Variants in SMAP1 observed in about 807,000 individuals in gnomAD.
SMAP1 encodes stromal membrane-associated protein 1.
SMAP1 carries 24 observed loss-of-function variants against 58.5 expected under a neutral mutation model. The ratio of observed to expected loss-of-function variants is 0.41; its 90% confidence interval spans 0.30 to 0.58. SMAP1 has a LOEUF of 0.58. Among genes scored for constraint, SMAP1 ranks in the 20% least tolerant of loss-of-function variants. The pLI, the probability that SMAP1 is intolerant of heterozygous loss-of-function variation, is 0.29. For synonymous variants in SMAP1, 216 were observed against 196.6 expected (o/e 1.10, Z -0.82); for missense variants, 563 against 566.3 (o/e 0.99, Z 0.06).
rs888420664 is a variant in SMAP1, at chr6:70,732,427, T to C, written c.168T>C (p.Cys56=). Residue 56 remains cysteine, a synonymous_variant, in exon 2 of 11, where the codon TGT becomes TGC. Transcript: ENST00000370455. ...TTGGTGTGTTTATTTGCATCAGATG[T>C]GCTGGAATTCATAGAAATCTTGGGG... ...WNIGVFICIR[C]AGIHRNLGVH... The C allele has an allele frequency of 1.2e-6, 2 of 1,612,892 alleles. No individual in the cohort carries two copies. The highest frequency in any genetic ancestry group is 1.7e-5 in the Admixed American group (1 of 59,976).
intron 3 of SMAP1, among the ~76,000 whole-genome samples, chr6:70,758,548 A>C (rs185056082): frequency 6.6e-6 from 1 of 152,186 alleles, no homozygotes; most frequent in Non-Finnish European, 1.5e-5. Flanking sequence ...TAAAAATAAA[A>C]ACACATGAAG....
Position 70,798,672 on chromosome 6 carries a change from A to G in SMAP1, c.511A>G (p.Lys171Glu), listed in dbSNP as rs929584426. ...KNKLEKEKEK[K>E]KEEKKREKEP... ...TGTGTTTTAGAAAGAAAAGGAAAAA[A>G]AAAAGGAAGAGAAAAAGAGAGAAAA... The change falls in exon 6 of 11, where the codon AAA (lysine) becomes GAA (glutamate). Residue 171 changes from lysine to glutamate, a missense_variant. By Grantham distance (56) the Lys-to-Glu change is moderately conservative. Around this residue, in one of 3 missense-constraint regions of SMAP1, gnomAD observed 494 missense variants for 473.8 expected, o/e 1.04. Transcript: ENST00000370455. 1 of 1,539,030 alleles carries G rather than the reference A, an allele frequency of 6.5e-7. No individual in the cohort carries two copies. The highest frequency in any genetic ancestry group is 1.3e-5 in the South Asian group (1 of 78,628).
chr6:70,841,423 T>C (rs1199311100), intron 7 of SMAP1, among the ~76,000 whole-genome samples: 1 of 152,124 alleles, frequency 6.6e-6, no homozygotes, highest in African/African-American at 2.4e-5. Flanking sequence ...ATCCTCTCAG[T>C]GCCCCAGAAA....
At chr6:70,783,619 A>G (rs1339115737) in intron 4 of SMAP1, among the ~76,000 whole-genome samples, 1 of 152,244 alleles carries the variant, frequency 6.6e-6, no homozygotes, top group Non-Finnish European at 1.5e-5. Flanking sequence ...GAGCTGATGG[A>G]GCTGAAAGCC....
In SMAP1 at chr6:70,860,890, C is replaced by T. The variant is rs556906993; in HGVS notation, c.*556C>T. On this transcript the variant is annotated 3_prime_UTR_variant, in exon 11 of 11. Transcript: ENST00000370455. ...ACGTGATTAGTGAAAGGAAGATAAA[C>T]GTGGATGTTACTCCAAAACTTCGTT... 227 of 390,654 alleles carry T rather than the reference C, an allele frequency of 5.8e-4. No homozygotes were observed. The highest frequency in any genetic ancestry group is 1.3e-3 in the Middle Eastern group (2 of 1,548). 24.2% of individuals were successfully genotyped at this position (390,654 alleles called of 1,614,324 possible).
At position 70,769,688 on chromosome 6, in the gene SMAP1, G is replaced by A. The variant is rs1767182840; in HGVS notation, c.339-3662G>A. Among the ~76,000 whole-genome samples the A allele has an allele frequency of 2.0e-5, 3 of 152,130 alleles. No individual in the cohort carries two copies. In the South Asian group the frequency reaches 6.2e-4, roughly 32 times the overall value. On this transcript the variant is annotated intron_variant, in intron 3 of 10. Transcript: ENST00000370455. ...GTTTCCTGAATACAGCACACTGATG[G>A]GTCTTGACTCTTTATCCATTTTGCC...
At chr6:70,688,167 GAT>G (rs1414325375) in intron 1 of SMAP1, among the ~76,000 whole-genome samples, 2 of 152,162 alleles carry the variant, frequency 1.3e-5, no homozygotes, top group Non-Finnish European at 2.9e-5. Context: ...AGAATTTTGT[GAT>G]ATGTTTGTGC....
intron 1 of SMAP1, among the ~76,000 whole-genome samples, chr6:70,722,908 A>G (rs1330450886): frequency 6.6e-6 from 1 of 152,230 alleles, no homozygotes; most frequent in East Asian, 1.9e-4. Context: ...AACATGTCAC[A>G]GTGCTGCAGA....
rs12204507 is a variant in SMAP1, at chr6:70,782,044, A to G, written c.414+8619A>G. Among the ~76,000 whole-genome samples, 570 of 152,226 alleles carry G rather than the reference A, an allele frequency of 3.7e-3. 2 individuals carry two copies. The highest frequency in any genetic ancestry group is 6.4e-3 in the Non-Finnish European group (435 of 67,994). On this transcript the variant is annotated intron_variant, in intron 4 of 10. Transcript: ENST00000370455. Reference sequence around the variant, plus strand: ...CTGGATTTCTACTGCGTATTATCTCATGGATAGATGGGGTGGGTGGGAGTT... The same window carrying G: ...CTGGATTTCTACTGCGTATTATCTCGTGGATAGATGGGGTGGGTGGGAGTT...
chr6:70,741,876 A>G (rs561644610), intron 2 of SMAP1, among the ~76,000 whole-genome samples: 1 of 152,328 alleles, frequency 6.6e-6, no homozygotes, highest in South Asian at 2.1e-4. Flanking sequence ...TGCAGGCTCA[A>G]CACCACAGGG....
chr6:70,712,444 C>CT (rs1768092522), intron 1 of SMAP1, among the ~76,000 whole-genome samples: 1 of 152,192 alleles, frequency 6.6e-6, no homozygotes, highest in South Asian at 2.1e-4. Context: ...GAGGGTGATA[C>CT]TGGCTTCATA....
intron 2 of SMAP1, among the ~76,000 whole-genome samples, chr6:70,745,521 C>T (rs1051273602): frequency 1.7e-4 from 26 of 152,210 alleles, no homozygotes; most frequent in African/African-American, 5.8e-4. Context: ...CTGTTCTGTT[C>T]CATTGGTCTA....
In SMAP1 at chr6:70,724,765, A is replaced by G. The variant is rs1768691472; in HGVS notation, c.119-7613A>G. ...AAACATGAACGTGACACAGATAACC[A>G]CAGGTGACTAGGTCATAGCAAAATA... On this transcript the variant is annotated intron_variant, in intron 1 of 10. Transcript: ENST00000370455. 1.3e-5 allele frequency among the ~76,000 whole-genome samples: 2 copies of G among 152,200 alleles called. 1 individual carries two copies. The highest frequency in any genetic ancestry group is 4.8e-5 in the African/African-American group (2 of 41,444).
At chr6:70,705,252 AT>A (rs869145071) in intron 1 of SMAP1, among the ~76,000 whole-genome samples, 9,727 of 137,776 alleles carry the variant, frequency 0.071, 382 homozygotes, top group African/African-American at 0.13. Context: ...GTTCATTATG[AT>A]TTTTTTTTTT....
intron 6 of SMAP1, among the ~76,000 whole-genome samples, chr6:70,818,731 A>T (rs1396133149): frequency 1.3e-5 from 2 of 152,124 alleles, no homozygotes; most frequent in Admixed American, 6.6e-5. Flanking sequence ...CTCAAACTGG[A>T]TTGGAATATG....
intron 7 of SMAP1, among the ~76,000 whole-genome samples, chr6:70,842,964 T>G (rs924074720): frequency 6.6e-6 from 1 of 152,102 alleles, no homozygotes. Flanking sequence ...TTGGTCAGAA[T>G]TGGATTATAT....
At chr6:70,682,362 T>C (rs1766753599) in intron 1 of SMAP1, among the ~76,000 whole-genome samples, 2 of 151,486 alleles carry the variant, frequency 1.3e-5, no homozygotes, top group Non-Finnish European at 2.9e-5. Context: ...CTAACTTTTG[T>C]ATTTTTAATA....
In SMAP1 at chr6:70,710,075, T is replaced by A. The variant is rs535787272; in HGVS notation, c.119-22303T>A. On this transcript the variant is annotated intron_variant, in intron 1 of 10. Coordinates refer to ENST00000370455, the MANE Select transcript of SMAP1 (RefSeq NM_001044305.3). ...TCTAGGCTGTCATGGTATAGCCTAT[T>A]GCTCCTAGGCGACAAACCTGTACAG... Among the ~76,000 whole-genome samples, 7 of 152,322 alleles carry A rather than the reference T, an allele frequency of 4.6e-5. No homozygotes were observed. The South Asian group carries it at 1.5e-3, about 32-fold the overall frequency.
chr6:70,810,603 GT>G (rs1769343986), intron 6 of SMAP1, among the ~76,000 whole-genome samples: 1 of 151,866 alleles, frequency 6.6e-6, no homozygotes, highest in Admixed American at 6.6e-5. Flanking sequence ...TAGATACAGG[GT>G]CTCACTATTT....
Sources: gnomAD v4.1 joint callset for allele counts (sites outside exome capture counted in the v4.1 genomes callset) on GRCh38, gnomAD v4.1.1 for gene constraint, gnomAD v4.1.1 regional missense constraint, MANE v1.5 for transcripts, NCBI Gene and HGNC (gene_info 2026-07-23, HGNC 2026-07-21) for gene names.